The following FMN1 variants were observed in gnomAD, a reference collection of about 807,000 sequenced individuals.
FMN1 encodes the protein formin 1.
FMN1 carries 110 observed loss-of-function variants against 132.4 expected under a neutral mutation model. The ratio of observed to expected loss-of-function variants is 0.83; its 90% CI spans 0.71 to 0.97. FMN1 has a LOEUF of 0.97. Among genes scored for constraint, FMN1 ranks in the 50% least tolerant of loss-of-function variants. FMN1 has a pLI of 0.00. For missense variants in FMN1, 1,792 were observed against 1,705.3 expected (o/e 1.05, Z -0.90); for synonymous variants, 722 against 651.7 (o/e 1.11, Z -1.64).
intron 5 of FMN1, among the ~76,000 whole-genome samples, chr15:33,076,585 G>A (rs12902986): frequency 0.024 from 3,714 of 152,196 alleles, 78 homozygotes; most frequent in Non-Finnish European, 0.033. Context: ...TAGGCACCAT[G>A]CTCGGTTCTT....
intron 9 of FMN1, among the ~76,000 whole-genome samples, chr15:32,961,580 CCAAA>C (rs1281634652): frequency 3.3e-5 from 5 of 152,096 alleles, no homozygotes; most frequent in Non-Finnish European, 7.3e-5. Context: ...AACTAACCAA[CCAAA>C]CAAAAACCCA....
chr15:32,916,329 G>C (rs1323055020), intron 10 of FMN1, among the ~76,000 whole-genome samples: 1 of 152,202 alleles, frequency 6.6e-6, no homozygotes, highest in African/African-American at 2.4e-5. Flanking sequence ...CTCTCTCCAA[G>C]TGTACCATGC....
intron 3 of FMN1, among the ~76,000 whole-genome samples, chr15:33,164,399 A>G (rs1566962155): frequency 6.6e-6 from 1 of 152,326 alleles, no homozygotes; most frequent in East Asian, 1.9e-4. Context: ...TTCAGCCAAT[A>G]TAACTATTTT....
intron 7 of FMN1, among the ~76,000 whole-genome samples, chr15:32,992,517 A>G (rs144115228): frequency 1.9e-4 from 29 of 152,336 alleles, no homozygotes; most frequent in African/African-American, 7.0e-4. Context: ...TTATTCATCA[A>G]TGGCAGATTA....
In FMN1 at chr15:32,989,696, T is replaced by A. The variant is rs139662501; in HGVS notation, c.2223+18318A>T. ...GACGGGCAACAACCTAAATAATCGA[T>A]AAGGTGGGCTGAATACACGCAAGCT... is the stretch of plus-strand genomic sequence containing the variant. On this transcript the variant is annotated intron_variant, in intron 7 of 20. Coordinates refer to ENST00000616417, the MANE Select transcript of FMN1 (RefSeq NM_001277313.2). 3.9e-3 allele frequency among the ~76,000 whole-genome samples: 599 copies of A among 152,100 alleles called. 6 individuals are homozygous for A. Among genetic ancestry groups the A allele is most frequent in the East Asian group, 0.032 (165 of 5,156 alleles).
At chr15:33,059,039 T>C (rs1451162044) in intron 6 of FMN1, among the ~76,000 whole-genome samples, 6 of 152,184 alleles carry the variant, frequency 3.9e-5, no homozygotes, top group Admixed American at 6.5e-5. Flanking sequence ...CAACTCTCCA[T>C]TCCCTCCGTC....
intron 19 of FMN1, among the ~76,000 whole-genome samples, chr15:32,782,926 C>T (rs1217101421): frequency 6.6e-6 from 1 of 152,142 alleles, no homozygotes; most frequent in East Asian, 1.9e-4. Context: ...TGCATGGTCT[C>T]ACTTATAAGT....
At position 32,774,193 on chromosome 15, in the gene FMN1, G is replaced by A. The variant is rs941481801; in HGVS notation, c.*117C>T. 41 of 821,268 alleles carry A rather than the reference G, an allele frequency of 5.0e-5. No homozygotes were observed. The highest frequency in any genetic ancestry group is 7.2e-5 in the Non-Finnish European group (36 of 500,148). 50.9% of individuals were successfully genotyped at this position (821,268 alleles called of 1,614,324 possible). A position where few individuals can be genotyped will look rare whatever the true frequency, so the allele number is the denominator to read the frequency against. On this transcript the variant is annotated 3_prime_UTR_variant, in exon 21 of 21. Coordinates refer to ENST00000616417, the MANE Select transcript of FMN1 (RefSeq NM_001277313.2). The stretch of plus-strand genomic sequence containing the variant: ...TGCAGATGACCTCAGAAAGAGATGA[G>A]CAAAAACAAACATTTAGTGACACAT...
At chr15:32,978,022 G>C (rs577685167) in intron 7 of FMN1, among the ~76,000 whole-genome samples, 2 of 151,720 alleles carry the variant, frequency 1.3e-5, no homozygotes, top group African/African-American at 4.8e-5. Context: ...ACGCCCTGCT[G>C]ATTTTTTTAT....
chr15:33,134,648 A>G (rs1014907721), intron 4 of FMN1, among the ~76,000 whole-genome samples: 10 of 152,222 alleles, frequency 6.6e-5, no homozygotes, highest in African/African-American at 2.4e-4. Flanking sequence ...GAAAAGAACT[A>G]TGATCCTACA....
intron 7 of FMN1, among the ~76,000 whole-genome samples, chr15:32,997,782 C>G (rs560511495): frequency 6.6e-6 from 1 of 152,294 alleles, no homozygotes; most frequent in East Asian, 1.9e-4. Context: ...TTCACTTACA[C>G]TTCCAAAGCT....
At chr15:33,104,843 A>G (rs2039424608) in intron 4 of FMN1, among the ~76,000 whole-genome samples, 2 of 152,196 alleles carry the variant, frequency 1.3e-5, no homozygotes, top group African/African-American at 2.4e-5. Context: ...AAATTAAAAT[A>G]TATCATTTCT....
chr15:33,002,470 C>T (rs904394228), intron 7 of FMN1, among the ~76,000 whole-genome samples: 2 of 152,120 alleles, frequency 1.3e-5, no homozygotes, highest in Non-Finnish European at 2.9e-5. Flanking sequence ...TTTGTCTGTT[C>T]GTTTTACGAA....
chr15:32,790,732 C>T (rs1023082993), intron 19 of FMN1, among the ~76,000 whole-genome samples: 2 of 152,158 alleles, frequency 1.3e-5, no homozygotes, highest in African/African-American at 2.4e-5. Flanking sequence ...TCCTTTGGAT[C>T]ATTTCTTCCT....
chr15:32,825,160 GCTA>G (rs1218966314), intron 17 of FMN1, among the ~76,000 whole-genome samples: 1 of 152,176 alleles, frequency 6.6e-6, no homozygotes, highest in Non-Finnish European at 1.5e-5. Flanking sequence ...TTTCACCTGA[GCTA>G]CTTCAGTAAC....
intron 20 of FMN1, among the ~76,000 whole-genome samples, chr15:32,775,828 C>CAA (rs2056399405): frequency 2.0e-5 from 3 of 152,170 alleles, no homozygotes; most frequent in South Asian, 4.1e-4. Flanking sequence ...AAGCATCCAG[C>CAA]AAAAAGGTAC....
chr15:32,968,609 T>C (rs2140648811), intron 8 of FMN1, 105 bp downstream of exon 8: 1 of 1,511,926 alleles, frequency 6.6e-7, no homozygotes. Flanking sequence ...TCACACTTGA[T>C]AATGGGTGCT....
chr15:32,907,951 A>C (rs1159161737), intron 12 of FMN1, among the ~76,000 whole-genome samples: 2 of 152,082 alleles, frequency 1.3e-5, no homozygotes, highest in Non-Finnish European at 2.9e-5. Flanking sequence ...CATCACAAAC[A>C]ACAGAGCAAG....
intron 13 of FMN1, 184 bp from the exon 14 acceptor site, chr15:32,900,309 G>A (rs1293832199): frequency 7.0e-6 from 5 of 714,034 alleles, no homozygotes; most frequent in Non-Finnish European, 1.3e-5. Context: ...CACATTAACA[G>A]CCATTATTTT....
Sources: allele counts gnomAD v4.1 joint callset (sites outside exome capture counted in the v4.1 genomes callset), GRCh38; gene constraint gnomAD v4.1.1; transcripts MANE v1.5; gene names NCBI Gene and HGNC (gene_info 2026-07-23, HGNC 2026-07-21).